Variants in AHRR observed in about 807,000 individuals in gnomAD.
The protein encoded by AHRR is aryl hydrocarbon receptor repressor.
In AHRR, 28 loss-of-function variants were observed where a neutral mutation model predicts 44.0. The observed-to-expected ratio is 0.64, with a 90% CI of 0.47 to 0.87. The LOEUF is 0.87. Among genes scored for constraint, AHRR ranks in the 40% least tolerant of loss-of-function variants. AHRR has a pLI of 0.00. For synonymous variants in AHRR, 434 were observed against 407.0 expected, an observed-to-expected ratio of 1.07 and a Z score of -0.80; for missense variants, 990 against 953.9, an observed-to-expected ratio of 1.04 and a Z score of -0.50.
intron 4 of AHRR, among the ~76,000 whole-genome samples, chr5:398,567 C>G (rs961474364): frequency 3.3e-5 from 5 of 152,240 alleles, no homozygotes; most frequent in South Asian, 2.1e-4. Flanking sequence ...ATCCCAGGCT[C>G]TCCCCAGCAG....
At chr5:328,254 G>GTTT (rs1741783616) in intron 1 of AHRR, among the ~76,000 whole-genome samples, 4 of 76,026 alleles carry the variant, frequency 5.3e-5, no homozygotes, top group African/African-American at 2.0e-4. Context: ...ACCAACATCT[G>GTTT]ATTTTTTTTT....
intron 3 of AHRR, among the ~76,000 whole-genome samples, chr5:372,782 C>T (rs1241774014): frequency 6.6e-6 from 1 of 152,210 alleles, no homozygotes; most frequent in South Asian, 2.1e-4. Context: ...GCTGGACCTG[C>T]CTTCTGGCTC....
rs1397857142 is a variant in AHRR at position 437,004 on chromosome 5, A to G, written c.*2170A>G. 6.6e-6 allele frequency: 1 copy of G among 152,364 alleles called. No homozygotes were observed. The highest frequency in any genetic ancestry group is 6.5e-5 in the Admixed American group (1 of 15,282). 9.4% of individuals were successfully genotyped at this position (152,364 alleles called of 1,614,324 possible). Reference sequence around the variant, plus strand: ...TTCAGAAGCTTCCCACTTCCTTCCTATTCTAACCGAGTGCCCAGCTCCTTT... The same window carrying G: ...TTCAGAAGCTTCCCACTTCCTTCCTGTTCTAACCGAGTGCCCAGCTCCTTT... On this transcript the variant is annotated 3_prime_UTR_variant, in exon 11 of 11. Coordinates refer to ENST00000684583, the MANE Select transcript of AHRR (RefSeq NM_001377236.1).
chr5:370,802 C>T lies in AHRR; in HGVS notation c.245-5808C>T, dbSNP rs956558730. ...GGGGCACGTTCCCATCATGCTTGTC[C>T]GACCTCCCTGGGTGGCTGGAGGAGG... On this transcript the variant is annotated intron_variant, in intron 3 of 10. Coordinates refer to ENST00000684583, the MANE Select transcript of AHRR (RefSeq NM_001377236.1). This position sits in a 1 kb window ranked among gnomAD's most constrained non-coding sequence, Gnocchi z 4.5. Among the ~76,000 whole-genome samples the T allele has an allele frequency of 5.9e-5, 9 of 152,200 alleles. No individual in the cohort carries two copies. The highest frequency in any genetic ancestry group is 1.3e-4 in the Admixed American group (2 of 15,298).
intron 7 of AHRR, among the ~76,000 whole-genome samples, chr5:425,313 TTTTA>T (rs1378317897): frequency 1.3e-5 from 2 of 152,186 alleles, no homozygotes; most frequent in South Asian, 4.1e-4. Context: ...GACAATAAAG[TTTTA>T]TTTATTTATT....
intron 3 of AHRR, 51 bp from the exon 4 acceptor site, chr5:376,559 T>TGAATGAATGAGAACCGCGGGG: frequency 4.1e-6 from 1 of 241,106 alleles, no homozygotes; most frequent in Non-Finnish European, 7.4e-6. Flanking sequence ...TGAAGAAGAG[T>TGAATGAATGAGAACCGCGGGG]GGCCAGGCCA....
At chr5:365,180 C>T (rs1743315743) in intron 3 of AHRR, among the ~76,000 whole-genome samples, 1 of 151,618 alleles carries the variant, frequency 6.6e-6, no homozygotes, top group South Asian at 2.1e-4. Flanking sequence ...AGCAGTATAC[C>T]CCCAAACTAC....
At chr5:432,252 A>G in intron 8 of AHRR, 1 of 546,154 alleles carries the variant, frequency 1.8e-6, no homozygotes, top group Non-Finnish European at 3.2e-6. Flanking sequence ...CTGAAAAGTG[A>G]CGTGACAATA....
chr5:422,992 A>C, intron 6 of AHRR, 134 bp downstream of exon 6: 148 of 1,250,202 alleles, frequency 1.2e-4, no homozygotes, highest in Middle Eastern at 2.8e-4. Context: ...GCCAAATCTC[A>C]CCTTTCTTCA....
intron 4 of AHRR, among the ~76,000 whole-genome samples, chr5:412,847 A>C (rs1735525700): frequency 6.6e-6 from 1 of 151,796 alleles, no homozygotes; most frequent in Non-Finnish European, 1.5e-5. Flanking sequence ...CAGCCTTCCA[A>C]GTAGCTGGGA....
At chr5:378,802 C>G (rs1371711844) in intron 4 of AHRR, among the ~76,000 whole-genome samples, 1 of 152,248 alleles carries the variant, frequency 6.6e-6, no homozygotes, top group African/African-American at 2.4e-5. Flanking sequence ...TTGGGTTTAG[C>G]ATGACTCACT....
Position 413,417 on chromosome 5 carries a change from ATCTGGGCT to A in AHRR, c.428_435del (p.Leu143ProfsTer12), listed in dbSNP as rs760692802. On this transcript the variant is annotated frameshift_variant, in exon 5 of 11. Transcript: ENST00000684583. ...TATGCATCAGCAACGATCGTGGACT[ATCTGGGCT>A]TCCATCAGGTAAATGAAACCAGAAT... 6.2e-7 allele frequency: 1 copy of A among 1,613,666 alleles called. No individual in the cohort carries two copies. The highest frequency in any genetic ancestry group is 1.1e-5 in the South Asian group (1 of 91,046).
In AHRR at chr5:426,046, C is replaced by T. The variant is rs569375366; in HGVS notation, c.709-1761C>T. 2.0e-5 allele frequency among the ~76,000 whole-genome samples: 3 copies of T among 152,358 alleles called. No individual in the cohort carries two copies. The South Asian group carries it at 6.2e-4, about 32-fold the overall frequency. On this transcript the variant is annotated intron_variant, in intron 7 of 10. Coordinates refer to ENST00000684583, the MANE Select transcript of AHRR (RefSeq NM_001377236.1). ...ATCAGCTGTGTTGGGAATATTTATA[C>T]TAAAAAAATTGGCAAACACTGCATA... is the stretch of plus-strand genomic sequence containing the variant.
chr5:376,566 G>GAAAGCCCCCCCCCCCCCCCCCCCCCCCCC, intron 3 of AHRR, 44 bp from the exon 4 acceptor site: 1 of 1,517,814 alleles, frequency 6.6e-7, no homozygotes, highest in Non-Finnish European at 8.9e-7. Context: ...GAGTGGCCAG[G>GAAAGCCCCCCCCCCCCCCCCCCCCCCCCC]CCAAGGGTTG....
intron 1 of AHRR, among the ~76,000 whole-genome samples, chr5:330,352 T>C (rs1353360833): frequency 6.6e-6 from 1 of 152,142 alleles, no homozygotes. Flanking sequence ...TGATGGGCTG[T>C]TGGATTCAGT....
chr5:420,966 CGCT>C, intron 5 of AHRR: 1 of 340,480 alleles, frequency 2.9e-6, no homozygotes, highest in South Asian at 3.2e-5. Context: ...ACGCTGGCAC[CGCT>C]GAACAGCCAA....
chr5:426,036 A>G (rs1579706480), intron 7 of AHRR, among the ~76,000 whole-genome samples: 1 of 152,242 alleles, frequency 6.6e-6, no homozygotes, highest in African/African-American at 2.4e-5. Context: ...CTGTGTTGGG[A>G]ATATTTATAC....
At position 343,373 on chromosome 5, in the gene AHRR, C is replaced by T. The variant is rs150332868; in HGVS notation, c.-10-520C>T. Among the ~76,000 whole-genome samples, 20 of 125,016 alleles carry T rather than the reference C, an allele frequency of 1.6e-4. 1 individual carries two copies. In the East Asian group the frequency reaches 3.2e-3, roughly 20 times the overall value. 82.0% of individuals were successfully genotyped at this position (125,016 alleles called of 152,430 possible). A position where few individuals can be genotyped will look rare whatever the true frequency, so the allele number is the denominator to read the frequency against. On this transcript the variant is annotated intron_variant, in intron 1 of 10. Coordinates refer to ENST00000684583, the MANE Select transcript of AHRR (RefSeq NM_001377236.1). The stretch of plus-strand genomic sequence containing the variant: ...GTACCTTCTCGGGGTGATGGGAACA[C>T]GGGACCCGCGTACCCTCTTGGGGGT...
At chr5:430,560 C>A (rs1736677913) in intron 8 of AHRR, among the ~76,000 whole-genome samples, 1 of 152,270 alleles carries the variant, frequency 6.6e-6, no homozygotes, top group Non-Finnish European at 1.5e-5. Flanking sequence ...GGCCACCTTG[C>A]CGGCACTCAC....
Sources: allele counts gnomAD v4.1 joint callset (sites outside exome capture counted in the v4.1 genomes callset), GRCh38; gene constraint gnomAD v4.1.1; non-coding constraint Gnocchi (gnomAD v3.1); transcripts MANE v1.5; gene names NCBI Gene and HGNC (gene_info 2026-07-23, HGNC 2026-07-21).